The following MEGF8 variants were observed in gnomAD, a reference collection of about 807,000 sequenced individuals.
The protein encoded by MEGF8 is multiple EGF like domains 8, also known as multiple epidermal growth factor-like domains protein 8.
A neutral mutation model predicts 302.9 loss-of-function variants in MEGF8; 156 were observed. The observed-to-expected ratio is 0.52, with a 90% CI of 0.45 to 0.59. The LOEUF (loss-of-function observed/expected upper bound fraction) is 0.59, where lower values mean the gene tolerates loss of function less well. MEGF8 is among the 20% of genes least tolerant of loss of function. MEGF8 has a pLI of 0.00. For missense variants in MEGF8, 3,345 were observed against 3,964.5 expected (o/e 0.84, Z 4.20); for synonymous variants, 1,621 against 1,660.5 (o/e 0.98, Z 0.58).
chr19:42,345,534 T>C (rs567502518), intron 12 of MEGF8, among the ~76,000 whole-genome samples: 1 of 152,380 alleles, frequency 6.6e-6, no homozygotes, highest in East Asian at 1.9e-4. Flanking sequence ...CATGGAGGCC[T>C]GTACTATGTG....
rs551896120 is a variant in MEGF8 at position 42,334,068 on chromosome 19, G to T, written c.413G>T (p.Arg138Leu). Residue 138 changes from arginine to leucine, a missense_variant, in exon 3 of 42, where the codon CGC (arginine) becomes CTC (leucine). Coordinates refer to ENST00000251268, the MANE Select transcript of MEGF8 (RefSeq NM_001271938.2). The part of the protein sequence containing the change: ...YNLLGFNASF[R>L]FSLCPGGCQS... ...CTGCTGGGCTTTAACGCCTCATTCCGCTTCTCCCTGTGCCCGGGTGGCTGC... is the reference window on the plus strand; with the variant it reads ...CTGCTGGGCTTTAACGCCTCATTCCTCTTCTCCCTGTGCCCGGGTGGCTGC... 16 of 1,613,748 alleles carry T rather than the reference G, an allele frequency of 9.9e-6. No homozygotes were observed. Among genetic ancestry groups the T allele is most frequent in the Non-Finnish European group, 1.3e-5 (15 of 1,179,870 alleles).
At chr19:42,338,825 A>ATTTTTTTTTTTTTTT (rs55994617) in intron 8 of MEGF8, among the ~76,000 whole-genome samples, 1 of 47,146 alleles carries the variant, frequency 2.1e-5, no homozygotes, top group Non-Finnish European at 4.5e-5. Context: ...CTTTCTATGT[A>ATTTTTTTTTTTTTTT]TTTTTTTTTT....
intron 8 of MEGF8, among the ~76,000 whole-genome samples, chr19:42,338,077 A>G (rs1018724844): frequency 1.3e-5 from 2 of 152,152 alleles, no homozygotes; most frequent in Non-Finnish European, 2.9e-5. Context: ...AAGTACTGGG[A>G]TCACATGTGT....
Position 42,353,319 on chromosome 19 carries a change from C to A in MEGF8, c.3551-146C>A. 1 of 1,097,552 alleles carries A rather than the reference C, an allele frequency of 9.1e-7. No homozygotes were observed. Among genetic ancestry groups the A allele is most frequent in the Non-Finnish European group, 1.3e-6 (1 of 773,330 alleles). 68.0% of individuals were successfully genotyped at this position (1,097,552 alleles called of 1,614,324 possible). On this transcript the variant is annotated intron_variant, in intron 20 of 41. Transcript: ENST00000251268. This position sits in a 1 kb window ranked among gnomAD's most constrained non-coding sequence, Gnocchi z 6.1. ...CTCTGGTTGGGCTTCAGTTCCCCCTCTTGGGACTTGCTGTTTCCCCTGATC... is the reference window on the plus strand; with the variant it reads ...CTCTGGTTGGGCTTCAGTTCCCCCTATTGGGACTTGCTGTTTCCCCTGATC...
At chr19:42,355,502 T>C (rs1321815072) in intron 23 of MEGF8, among the ~76,000 whole-genome samples, 4 of 152,068 alleles carry the variant, frequency 2.6e-5, no homozygotes, top group South Asian at 2.1e-4. Flanking sequence ...TGGGTGCCGG[T>C]GTCCAGGTGG....
At chr19:42,345,360 G>A (rs2039274767) in intron 12 of MEGF8, among the ~76,000 whole-genome samples, 1 of 152,188 alleles carries the variant, frequency 6.6e-6, no homozygotes, top group South Asian at 2.1e-4. Context: ...TTACAATATT[G>A]TGCAATCATC....
chr19:42,343,810 G>C (rs575213399), intron 9 of MEGF8, 144 bp from the exon 10 acceptor site: 346 of 1,369,668 alleles, frequency 2.5e-4, no homozygotes, highest in Admixed American at 2.9e-4. Context: ...CCCTGGGCCT[G>C]GGGGAGGAAT....
chr19:42,366,040 C>A (rs1297368731), intron 35 of MEGF8, among the ~76,000 whole-genome samples: 1 of 150,006 alleles, frequency 6.7e-6, no homozygotes, highest in East Asian at 2.0e-4. Flanking sequence ...TGAGATCGCA[C>A]CACTGTACTC....
chr19:42,364,207 C>T (rs1025171801), intron 35 of MEGF8, among the ~76,000 whole-genome samples: 13 of 152,146 alleles, frequency 8.5e-5, no homozygotes, highest in Non-Finnish European at 1.6e-4. Context: ...GGCACATGCT[C>T]TCTTGTTTCC....
In MEGF8 at chr19:42,335,928, C is replaced by T. The variant is rs1007099175; in HGVS notation, c.829-3C>T. On this transcript the variant is annotated splice_region_variant and splice_polypyrimidine_tract_variant and intron_variant, in intron 5 of 41. Transcript: ENST00000251268. ...ACCTCTGTCTCTTTTCTCTTCCTCA[C>T]AGGCTGCCCGTCACTCCCATGTGGC... The T allele has an allele frequency of 2.7e-6, 4 of 1,461,808 alleles. No individual in the cohort carries two copies. Among genetic ancestry groups the T allele is most frequent in the Admixed American group, 2.5e-5 (1 of 40,768 alleles). The allele number at this position is 1,461,808 out of a possible 1,614,324, so 90.6% of individuals were successfully genotyped here.
chr19:42,364,065 G>A (rs1654624), intron 35 of MEGF8, among the ~76,000 whole-genome samples: 1,760 of 152,302 alleles, frequency 0.012, 45 homozygotes, highest in African/African-American at 0.041. Flanking sequence ...AGGGCTAGGA[G>A]CACGTGGTTC....
chr19:42,331,261 G>T (rs1020931271), intron 1 of MEGF8, among the ~76,000 whole-genome samples: 7 of 152,320 alleles, frequency 4.6e-5, no homozygotes, highest in African/African-American at 1.7e-4. Flanking sequence ...ACTGGCCCAG[G>T]ATCACCCAGC....
chr19:42,334,432 TCCCACTCTCATCTATAC>T (rs1367280066), intron 3 of MEGF8, among the ~76,000 whole-genome samples: 1 of 151,130 alleles, frequency 6.6e-6, no homozygotes. Flanking sequence ...GCTGAGGATA[TCCCACTCTCATCTATAC>T]CCCACTCTCA....
chr19:42,367,438 G>C (rs1383533067), intron 35 of MEGF8, among the ~76,000 whole-genome samples: 1 of 151,968 alleles, frequency 6.6e-6, no homozygotes, highest in Non-Finnish European at 1.5e-5. Flanking sequence ...ACAGGCGCCC[G>C]CCACCACGCC....
In MEGF8 at chr19:42,351,534, C is replaced by T. The variant is rs760802467; in HGVS notation, c.2961C>T (p.His987=). The change falls in exon 17 of 42, where the codon CAC becomes CAT. Residue 987 remains histidine, a synonymous_variant. Transcript: ENST00000251268. This position sits in a 1 kb window ranked among gnomAD's most constrained non-coding sequence, Gnocchi z 5.6. ...LFAAYLARYP[H]GGCRGWDDSV... is the part of the protein sequence containing the mutation. Reference sequence around the variant, plus strand: ...CTGCCTACTTGGCCCGGTACCCACACGGGGGCTGTCGAGGCTGGGACGACA... The same window carrying T: ...CTGCCTACTTGGCCCGGTACCCACATGGGGGCTGTCGAGGCTGGGACGACA... The T allele has an allele frequency of 8.9e-5, 143 of 1,609,230 alleles. No individual in the cohort carries two copies. The highest frequency in any genetic ancestry group is 4.2e-4 in the East Asian group (19 of 44,708).
chr19:42,346,734 C>T (rs2039294015), intron 12 of MEGF8, among the ~76,000 whole-genome samples: 1 of 151,904 alleles, frequency 6.6e-6, no homozygotes, highest in African/African-American at 2.4e-5. Flanking sequence ...CCGGTAATCC[C>T]AGCACTTTGT....
intron 1 of MEGF8, among the ~76,000 whole-genome samples, chr19:42,331,695 A>G (rs1442604392): frequency 1.3e-5 from 2 of 149,898 alleles, no homozygotes; most frequent in Non-Finnish European, 3.0e-5. Context: ...CAGCCTCCCA[A>G]ATAGCTGGGA....
In MEGF8 at chr19:42,362,103, G is replaced by T. The variant is rs371862361; in HGVS notation, c.5734G>T (p.Gly1912Cys). ...CATGTCCTTTAGGCTGGGCTGCGGG[G>T]GCTCCCCCTGCTCCCCAATGCCTCG... is the stretch of plus-strand genomic sequence containing the variant. Reference protein sequence around the residue: ...GDQAHRLGCGGSPCSPMPRSP... With the variant: ...GDQAHRLGCGCSPCSPMPRSP... The change falls in exon 33 of 42, where the codon GGC becomes TGC. Residue 1912 changes from glycine to cysteine, a missense_variant. By Grantham distance (159) the Gly-to-Cys change is radical. Coordinates refer to ENST00000251268, the MANE Select transcript of MEGF8 (RefSeq NM_001271938.2). 3.1e-6 allele frequency: 5 copies of T among 1,612,258 alleles called. No individual in the cohort carries two copies. The highest frequency in any genetic ancestry group is 4.2e-6 in the Non-Finnish European group (5 of 1,179,542).
chr19:42,352,571 T>G lies in MEGF8; in HGVS notation c.3350+115T>G, dbSNP rs549139965. 1.0e-3 allele frequency: 1,386 copies of G among 1,348,058 alleles called. 1 individual carries two copies. Among genetic ancestry groups the G allele is most frequent in the Non-Finnish European group, 1.3e-3 (1,271 of 1,003,730 alleles). 83.5% of individuals were successfully genotyped at this position (1,348,058 alleles called of 1,614,324 possible). The stretch of plus-strand genomic sequence containing the variant: ...CTCCTGTGGAACCAGCATCCCCAGT[T>G]AGCCAGGGGTTTTTACCTTGCACAC... On this transcript the variant is annotated intron_variant, in intron 19 of 41. Coordinates refer to ENST00000251268, the MANE Select transcript of MEGF8 (RefSeq NM_001271938.2). This position sits in a 1 kb window ranked among gnomAD's most constrained non-coding sequence, Gnocchi z 4.4.
Sources: gnomAD v4.1 joint callset for allele counts (sites outside exome capture counted in the v4.1 genomes callset) on GRCh38, gnomAD v4.1.1 for gene constraint, Gnocchi (gnomAD v3.1) non-coding constraint, MANE v1.5 for transcripts, NCBI Gene and HGNC (gene_info 2026-07-23, HGNC 2026-07-21) for gene names.